The following NAV1 variants were observed in gnomAD, a reference collection of about 807,000 sequenced individuals.
NAV1 encodes neuron navigator 1, also known as pore membrane and/or filament interacting like protein 3.
In NAV1, 18 loss-of-function variants were observed where a neutral mutation model predicts 175.2. The observed-to-expected ratio is 0.10, with a 90% CI of 0.07 to 0.15. The LOEUF (loss-of-function observed/expected upper bound fraction) is 0.15. Ranked by LOEUF, NAV1 falls within the 10% of genes least tolerant of loss-of-function variation. The pLI, the probability that NAV1 is intolerant of heterozygous loss-of-function variation, is 1.00. For missense variants in NAV1, 1,731 were observed against 2,436.6 expected, an observed-to-expected ratio of 0.71 and a Z score of 6.10; for synonymous variants, 897 against 978.7, an observed-to-expected ratio of 0.92 and a Z score of 1.56.
chr1:201,816,297 G>T (rs1259057694), intron 28 of NAV1, among the ~76,000 whole-genome samples: 1 of 152,086 alleles, frequency 6.6e-6, no homozygotes, highest in Non-Finnish European at 1.5e-5. Context: ...CTTGAACCCA[G>T]AAGGCAGAGA....
intron 1 of NAV1, among the ~76,000 whole-genome samples, chr1:201,565,525 G>A (rs1666329239): frequency 6.6e-6 from 1 of 152,238 alleles, no homozygotes; most frequent in Non-Finnish European, 1.5e-5. Context: ...GGCTATCCCA[G>A]GGACGTGGTA....
chr1:201,756,800 C>CTTTCT (rs1674492549), intron 3 of NAV1, among the ~76,000 whole-genome samples: 1 of 42,832 alleles, frequency 2.3e-5, no homozygotes, highest in African/African-American at 1.3e-4. Context: ...AATTCTCTTT[C>CTTTCT]TTTCTTTCCT....
chr1:201,552,422 G>A (rs905608857), intron 1 of NAV1, among the ~76,000 whole-genome samples: 4 of 152,106 alleles, frequency 2.6e-5, no homozygotes, highest in South Asian at 2.1e-4. Flanking sequence ...TCCTGCCCAC[G>A]GGAGCGCTGA....
At chr1:201,635,021 A>C (rs1668577233) in intron 2 of NAV1, among the ~76,000 whole-genome samples, 1 of 151,820 alleles carries the variant, frequency 6.6e-6, no homozygotes, top group Non-Finnish European at 1.5e-5. Context: ...CCAATTGACA[A>C]TTTTTGTTTT....
At chr1:201,554,826 G>A (rs1034254626) in intron 1 of NAV1, among the ~76,000 whole-genome samples, 4 of 152,176 alleles carry the variant, frequency 2.6e-5, no homozygotes, top group Non-Finnish European at 5.9e-5. Context: ...GAAATCTATA[G>A]TGTCAGTTCT....
rs34494216 is a variant in NAV1 at position 201,802,457 on chromosome 1, T to TAAAA, written c.3518-1120_3518-1117dup. Among the ~76,000 whole-genome samples the TAAAA allele has an allele frequency of 9.2e-3, 926 of 101,032 alleles. 21 individuals are homozygous for TAAAA. Among genetic ancestry groups the TAAAA allele is most frequent in the Middle Eastern group, 0.025 (4 of 162 alleles). 66.3% of individuals were successfully genotyped at this position (101,032 alleles called of 152,430 possible). ...GCAACACAGCAAGACCCTGTCTCAT[T>TAAAA]AAAAAAAAAAAAAAAAAAAGAAAGA... On this transcript the variant is annotated intron_variant, in intron 15 of 29. Transcript: ENST00000367296.
chr1:201,726,537 G>A (rs999561882), intron 3 of NAV1, among the ~76,000 whole-genome samples: 2 of 151,152 alleles, frequency 1.3e-5, no homozygotes, highest in Non-Finnish European at 1.5e-5. Flanking sequence ...AATCCCAGCT[G>A]CTCAGGAGGC....
rs547423741 is a variant in NAV1, at chr1:201,560,970, G to A, written c.-144+21628G>A. 7.4e-4 allele frequency among the ~76,000 whole-genome samples: 113 copies of A among 152,356 alleles called. No individual in the cohort carries two copies. In the South Asian group the frequency reaches 0.012, roughly 16 times the overall value. ...TTGCCACCACCACAGGCTTTCCAGT[G>A]GCGTGCAGCAGTCGCTACTCTTTCC... On this transcript the variant is annotated intron_variant, in intron 1 of 33. Transcript: ENST00000685211.
At chr1:201,552,185 A>G (rs1262712444) in intron 1 of NAV1, among the ~76,000 whole-genome samples, 2 of 152,222 alleles carry the variant, frequency 1.3e-5, no homozygotes, top group Non-Finnish European at 2.9e-5. Flanking sequence ...AGGCCGAGTC[A>G]GGGCTGGCAT....
At chr1:201,543,531 T>C (rs1261078766) in intron 1 of NAV1, among the ~76,000 whole-genome samples, 1 of 152,192 alleles carries the variant, frequency 6.6e-6, no homozygotes, top group Non-Finnish European at 1.5e-5. Context: ...AAGTTTCATT[T>C]TTTTTTCCCC....
At chr1:201,686,112 T>A (rs1184595588) in intron 1 of NAV1, among the ~76,000 whole-genome samples, 1 of 152,102 alleles carries the variant, frequency 6.6e-6, no homozygotes, top group Non-Finnish European at 1.5e-5. Context: ...GCACACCTAA[T>A]AAGCACCGAG....
chr1:201,649,376 G>A, exon 1 of NAV1: 1 of 1,603,370 alleles, frequency 6.2e-7, no homozygotes, highest in Non-Finnish European at 8.5e-7. Flanking sequence ...CCGAGCTGGT[G>A]GTGACCGTGC....
At chr1:201,586,226 G>A (rs909667734) in intron 1 of NAV1, among the ~76,000 whole-genome samples, 5 of 144,896 alleles carry the variant, frequency 3.5e-5, no homozygotes, top group Non-Finnish European at 3.0e-5. Flanking sequence ...GACAGTCTGT[G>A]ATTTACTTCT....
intron 1 of NAV1, among the ~76,000 whole-genome samples, chr1:201,582,083 G>T (rs548293073): frequency 1.3e-5 from 2 of 152,302 alleles, no homozygotes; most frequent in South Asian, 4.1e-4. Context: ...GTGACAGAGT[G>T]AGACTCCGTC....
At chr1:201,780,539 C>T (rs776723989) in exon 4 of NAV1, 13 of 1,614,066 alleles carry the variant, frequency 8.1e-6, no homozygotes, top group African/African-American at 4.0e-5. Flanking sequence ...CACTGCTTCT[C>T]GCAGGAACTC....
chr1:201,758,807 A>C (rs1320869636), intron 3 of NAV1, among the ~76,000 whole-genome samples: 1 of 152,210 alleles, frequency 6.6e-6, no homozygotes, highest in Non-Finnish European at 1.5e-5. Context: ...AACTTCATTT[A>C]TCTCTCTCGT....
intron 2 of NAV1, among the ~76,000 whole-genome samples, chr1:201,591,305 T>A (rs1667186112): frequency 1.3e-5 from 2 of 152,176 alleles, no homozygotes; most frequent in Admixed American, 6.5e-5. Context: ...GGAGGGAGGC[T>A]GCAGTCATTG....
exon 1 of NAV1, chr1:201,622,989 T>C: frequency 1.0e-6 from 1 of 986,098 alleles, no homozygotes; most frequent in Non-Finnish European, 1.2e-6. Flanking sequence ...CACCGGGCGC[T>C]TCTCCCCAGC....
chr1:201,645,193 C>T (rs188514442), upstream of NAV1, among the ~76,000 whole-genome samples: 12 of 152,122 alleles, frequency 7.9e-5, no homozygotes, highest in South Asian at 6.2e-4. Context: ...AGATGTGGCA[C>T]ATATACACCA....
Sources: gnomAD v4.1 joint callset for allele counts (sites outside exome capture counted in the v4.1 genomes callset) on GRCh38, gnomAD v4.1.1 for gene constraint, MANE v1.5 for transcripts, NCBI Gene and HGNC (gene_info 2026-07-23, HGNC 2026-07-21) for gene names.